Variants in CPLANE1 observed in about 807,000 individuals in gnomAD.
CPLANE1 encodes ciliogenesis and planar polarity effector 1.
CPLANE1 carries 263 observed loss-of-function variants against 362.5 expected under a neutral mutation model. The observed-to-expected ratio is 0.73, with a 90% CI of 0.66 to 0.80. CPLANE1 has a LOEUF of 0.80. CPLANE1 is among the 30% of genes least tolerant of loss of function. The probability of loss-of-function intolerance (pLI) is 0.00; values close to 1 mark genes in which losing one functional copy is unlikely to be tolerated. For synonymous variants in CPLANE1, 1,212 were observed against 1,302.6 expected (o/e 0.93, Z 1.50); for missense variants, 3,461 against 3,793.4 (o/e 0.91, Z 2.30).
the CPLANE1 span, among the ~76,000 whole-genome samples, chr5:37,094,158 T>C: frequency 6.6e-6 from 1 of 152,170 alleles, no homozygotes; most frequent in Non-Finnish European, 1.5e-5. Flanking sequence ...GCACTCTCCT[T>C]AGAGTCTGTA....
At position 37,227,499 on chromosome 5, in the gene CPLANE1, T is replaced by C. The variant is rs1796707022; in HGVS notation, c.1371+69A>G. The C allele has an allele frequency of 6.1e-6, 9 of 1,487,138 alleles. No individual in the cohort carries two copies. In the Admixed American group the frequency reaches 7.7e-5, roughly 13 times the overall value. 92.1% of individuals were successfully genotyped at this position (1,487,138 alleles called of 1,614,324 possible). ...AACTGTATACAATTCAAGGACATTATTGTCAGTAAAGTTTTAAATTTGAAA... is the reference window on the plus strand; with the variant it reads ...AACTGTATACAATTCAAGGACATTACTGTCAGTAAAGTTTTAAATTTGAAA... On this transcript the variant is annotated intron_variant, in intron 10 of 52. Transcript: ENST00000651892.
downstream of CPLANE1, among the ~76,000 whole-genome samples, chr5:37,101,341 T>C (rs1161731761): frequency 6.6e-6 from 1 of 152,188 alleles, no homozygotes; most frequent in Non-Finnish European, 1.5e-5. Flanking sequence ...ATCAAAGGCC[T>C]TTTCTGTGTC....
chr5:37,096,055 T>C, the CPLANE1 span, among the ~76,000 whole-genome samples: 1 of 152,324 alleles, frequency 6.6e-6, no homozygotes, highest in Middle Eastern at 3.4e-3. Flanking sequence ...ACAATCATTC[T>C]TCACAGAATT....
rs750116851 is a variant in CPLANE1 at position 37,121,658 on chromosome 5, A to G, written c.9144T>C (p.Pro3048=). 1 of 1,614,170 alleles carries G rather than the reference A, an allele frequency of 6.2e-7. No individual in the cohort carries two copies. The highest frequency in any genetic ancestry group is 1.1e-5 in the South Asian group (1 of 91,078). Residue 3048 remains proline (P), a synonymous_variant, in exon 49 of 53, where the codon CCT becomes CCC. Transcript: ENST00000651892. ...AGTGTTGACAACTGGAAGACTGAGT[A>G]GGGCTGGGTTTGTTAGGCAATGGTT... ...PQKPLPNKPS[P]TQSSSCQHCP...
intron 7 of CPLANE1, 70 bp from the exon 8 acceptor site, chr5:37,239,030 T>C (rs1309793559): frequency 2.6e-6 from 2 of 757,466 alleles, no homozygotes; most frequent in Admixed American, 6.2e-5. Flanking sequence ...ATAATTCTGG[T>C]GACACAGAGA....
At chr5:37,201,997 C>A (rs1369222572) in intron 18 of CPLANE1, among the ~76,000 whole-genome samples, 189 bp from the exon 19 acceptor site, 1 of 151,940 alleles carries the variant, frequency 6.6e-6, no homozygotes, top group Non-Finnish European at 1.5e-5. Context: ...TAGGTAAGAC[C>A]ATGAGACATT....
chr5:37,079,134 T>C, the CPLANE1 span, among the ~76,000 whole-genome samples: 1 of 152,238 alleles, frequency 6.6e-6, no homozygotes, highest in East Asian at 1.9e-4. Flanking sequence ...CCTGTGCCTA[T>C]GTCCCAGATA....
In CPLANE1 at chr5:37,236,910, C is replaced by G. The variant is rs1465608373; in HGVS notation, c.938+1947G>C. 4.6e-5 allele frequency among the ~76,000 whole-genome samples: 7 copies of G among 151,924 alleles called. 1 individual carries two copies. Among genetic ancestry groups the G allele is most frequent in the Non-Finnish European group, 8.8e-5 (6 of 67,984 alleles). Reference sequence around the variant, plus strand: ...TGGCTATTACTAAAAAGTCAAAAAACAACATGTTGGCAAGTATGCAGAGGA... The same window carrying G: ...TGGCTATTACTAAAAAGTCAAAAAAGAACATGTTGGCAAGTATGCAGAGGA... On this transcript the variant is annotated intron_variant, in intron 8 of 52. Transcript: ENST00000651892.
At chr5:37,081,087 A>G in the CPLANE1 span, among the ~76,000 whole-genome samples, 4 of 152,070 alleles carry the variant, frequency 2.6e-5, no homozygotes, top group African/African-American at 9.7e-5. Flanking sequence ...CATGAGGATC[A>G]CTCGAGGCTA....
At chr5:37,160,863 G>A (rs1433767921) in intron 38 of CPLANE1, among the ~76,000 whole-genome samples, 1 of 151,828 alleles carries the variant, frequency 6.6e-6, no homozygotes, top group Non-Finnish European at 1.5e-5. Flanking sequence ...AGTAGAGATG[G>A]GGTTTCACCG....
At chr5:37,222,136 G>A (rs997969208) in intron 14 of CPLANE1, among the ~76,000 whole-genome samples, 1 of 152,050 alleles carries the variant, frequency 6.6e-6, no homozygotes, top group East Asian at 1.9e-4. Flanking sequence ...CATTCTTTCT[G>A]AGTAAAATAA....
the CPLANE1 span, among the ~76,000 whole-genome samples, chr5:37,093,426 G>A: frequency 1.3e-5 from 2 of 152,134 alleles, no homozygotes; most frequent in South Asian, 4.1e-4. Flanking sequence ...TTGGGATGAG[G>A]TGAAACAACA....
the CPLANE1 span, among the ~76,000 whole-genome samples, chr5:37,099,335 G>A: frequency 7.0e-4 from 107 of 152,154 alleles, 1 homozygote; most frequent in African/African-American, 1.9e-3. Context: ...ACACCCCGCC[G>A]CAATGTGTCC....
intron 51 of CPLANE1, among the ~76,000 whole-genome samples, chr5:37,113,609 T>C (rs547346098): frequency 6.6e-6 from 1 of 152,250 alleles, no homozygotes; most frequent in African/African-American, 2.4e-5. Flanking sequence ...ATAGATCTTC[T>C]AGAAAATACC....
In CPLANE1 at chr5:37,247,729, A is replaced by G. The variant is rs368852622; in HGVS notation, c.-31T>C. The G allele has an allele frequency of 6.6e-6, 10 of 1,523,492 alleles. No homozygotes were observed. In the African/African-American group the frequency reaches 1.1e-4, roughly 17 times the overall value. The allele number at this position is 1,523,492 out of a possible 1,614,324, so 94.4% of individuals were successfully genotyped here. A position where few individuals can be genotyped will look rare whatever the true frequency, so the allele number is the denominator to read the frequency against. ...TTAAGCTATCAATGACCAATTAAGT[A>G]AAACAGTCCCAAGATTCTGTAAACA... On this transcript the variant is annotated 5_prime_UTR_variant, in exon 2 of 53. Coordinates refer to ENST00000651892, the MANE Select transcript of CPLANE1 (RefSeq NM_001384732.1).
At chr5:37,103,682 T>C (rs543615751), downstream of CPLANE1, among the ~76,000 whole-genome samples, 4 of 152,324 alleles carry the variant, frequency 2.6e-5, no homozygotes, top group African/African-American at 7.2e-5. Flanking sequence ...TTTAAGAATG[T>C]TGAATATTTG....
chr5:37,198,051 T>C (rs960777304), intron 20 of CPLANE1, among the ~76,000 whole-genome samples: 1 of 152,234 alleles, frequency 6.6e-6, no homozygotes, highest in African/African-American at 2.4e-5. Flanking sequence ...TTACTTAGGC[T>C]GAATTAAAAA....
chr5:37,107,642 T>C lies in CPLANE1; in HGVS notation c.9716A>G (p.Glu3239Gly), dbSNP rs1280596879. Residue 3239 changes from glutamate (E) to glycine (G), a missense_variant, in exon 53 of 53, where the codon GAG becomes GGG. Around this residue, in one of 2 missense-constraint regions of CPLANE1, gnomAD observed 81 missense variants for 127.3 expected, o/e 0.64. Transcript: ENST00000651892. The stretch of plus-strand genomic sequence containing the variant: ...CCAGTGGACAGACAGGCCCTGGTCC[T>C]CCACGCTGGCCACCATGTCTTCGAT... ...NAIEDMVASV[E>G]DQGLSVHWAL... 1 of 1,611,202 alleles carries C rather than the reference T, an allele frequency of 6.2e-7. No individual in the cohort carries two copies. Among genetic ancestry groups the C allele is most frequent in the African/African-American group, 1.3e-5 (1 of 74,972 alleles).
intron 35 of CPLANE1, among the ~76,000 whole-genome samples, chr5:37,166,838 A>C (rs565264204): frequency 5.6e-4 from 85 of 152,296 alleles, no homozygotes; most frequent in African/African-American, 1.9e-3. Flanking sequence ...AGAATTCCTT[A>C]ATAAAATGGG....
Sources: gnomAD v4.1 joint callset for allele counts (sites outside exome capture counted in the v4.1 genomes callset) on GRCh38, gnomAD v4.1.1 for gene constraint, gnomAD v4.1.1 regional missense constraint, MANE v1.5 for transcripts, NCBI Gene and HGNC (gene_info 2026-07-23, HGNC 2026-07-21) for gene names.